INSC: variants seen among roughly 807,000 people sequenced by gnomAD.
INSC encodes the protein protein inscuteable homolog.
Under a neutral mutation model 58.6 loss-of-function variants are expected in INSC, and 67 were observed. That is an observed-to-expected ratio of 1.14 (90% CI 0.94 to 1.40). The LOEUF is 1.40. Among genes scored for constraint, INSC ranks in the 40% most tolerant of loss-of-function variants. The probability of loss-of-function intolerance (pLI) is 0.00; values close to 1 mark genes in which losing one functional copy is unlikely to be tolerated. For missense variants in INSC, 714 were observed against 692.0 expected (o/e 1.03, Z -0.36); for synonymous variants, 262 against 276.1 (o/e 0.95, Z 0.51).
At position 15,190,855 on chromosome 11, in the gene INSC, A is replaced by G. The variant is rs542227458; in HGVS notation, c.693+41A>G. The stretch of plus-strand genomic sequence containing the variant: ...AGGGACCAAAATGGCAGGCCTGGGG[A>G]AGTATGAGGAAGCTCACTTGTTCAA... On this transcript the variant is annotated intron_variant, in intron 6 of 12. Coordinates refer to ENST00000379556, the MANE Select transcript of INSC (RefSeq NM_001042536.3). 2.1e-5 allele frequency: 28 copies of G among 1,328,066 alleles called. 1 individual carries two copies. The South Asian group carries it at 3.0e-4, about 14-fold the overall frequency. The allele number at this position is 1,328,066 out of a possible 1,614,324, so 82.3% of individuals were successfully genotyped here. A position where few individuals can be genotyped will look rare whatever the true frequency, so the allele number is the denominator to read the frequency against.
At chr11:15,225,965 T>G (rs1290102607) in intron 9 of INSC, 137 bp downstream of exon 9, 1 of 774,050 alleles carries the variant, frequency 1.3e-6, no homozygotes, top group African/African-American at 1.8e-5. Flanking sequence ...AGGGCAAATA[T>G]TCTCCACGTT....
At chr11:15,248,109 C>T (rs762285778), downstream of INSC, among the ~76,000 whole-genome samples, 16 of 152,180 alleles carry the variant, frequency 1.1e-4, no homozygotes, top group South Asian at 1.0e-3. Context: ...GAAACTGACA[C>T]GCATTCTGCT....
intron 1 of INSC, among the ~76,000 whole-genome samples, chr11:15,140,510 T>C (rs1848343294): frequency 6.6e-6 from 1 of 152,254 alleles, no homozygotes; most frequent in East Asian, 1.9e-4. Flanking sequence ...TGTGTGCATG[T>C]CCCAGGTGTA....
chr11:15,219,646 G>C (rs1008543356), intron 7 of INSC, among the ~76,000 whole-genome samples: 1 of 152,140 alleles, frequency 6.6e-6, no homozygotes, highest in African/African-American at 2.4e-5. Flanking sequence ...GCAAGTTACT[G>C]GTTTGGGTCC....
At chr11:15,259,075 G>C in the INSC span, among the ~76,000 whole-genome samples, 1 of 152,190 alleles carries the variant, frequency 6.6e-6, no homozygotes, top group African/African-American at 2.4e-5. Flanking sequence ...CAAAGTTACT[G>C]TGTGGACATC....
chr11:15,126,729 A>G (rs569437266), intron 1 of INSC, among the ~76,000 whole-genome samples: 1 of 152,326 alleles, frequency 6.6e-6, no homozygotes, highest in South Asian at 2.1e-4. Flanking sequence ...AAATTTTAAG[A>G]AGAAGAAAAT....
At chr11:15,165,156 G>A (rs1328662630) in intron 2 of INSC, among the ~76,000 whole-genome samples, 1 of 152,126 alleles carries the variant, frequency 6.6e-6, no homozygotes, top group Non-Finnish European at 1.5e-5. Flanking sequence ...TATCATCCAT[G>A]GGGTAGGGGT....
chr11:15,167,920 A>G (rs529195789), intron 2 of INSC, among the ~76,000 whole-genome samples: 2 of 152,166 alleles, frequency 1.3e-5, no homozygotes, highest in East Asian at 1.9e-4. Flanking sequence ...GAAAGCAGCA[A>G]TTATATCTTG....
chr11:15,112,529 A>G (rs1045104213), upstream of INSC: 1 of 1,604,114 alleles, frequency 6.2e-7, no homozygotes, highest in Non-Finnish European at 8.5e-7. Flanking sequence ...GCTGGGGTCT[A>G]TGGGGAGTCC....
intron 9 of INSC, among the ~76,000 whole-genome samples, chr11:15,227,128 G>A (rs1333245752): frequency 6.6e-6 from 1 of 152,182 alleles, no homozygotes; most frequent in East Asian, 1.9e-4. Flanking sequence ...AAAATTAAAT[G>A]GTTGGCAGGC....
At chr11:15,190,251 G>T (rs923081742) in intron 5 of INSC, among the ~76,000 whole-genome samples, 1 of 152,178 alleles carries the variant, frequency 6.6e-6, no homozygotes, top group South Asian at 2.1e-4. Flanking sequence ...CCATCACTCA[G>T]CTGGAGTTCA....
intron 5 of INSC, chr11:15,188,411 G>A (rs766407813): frequency 3.1e-6 from 3 of 953,162 alleles, no homozygotes; most frequent in Non-Finnish European, 3.7e-6. Context: ...AGGGGTCAGG[G>A]CCCGGCTCCT....
At chr11:15,198,008 G>T (rs374441938) in intron 6 of INSC, among the ~76,000 whole-genome samples, 4 of 152,098 alleles carry the variant, frequency 2.6e-5, no homozygotes, top group East Asian at 1.9e-4. Flanking sequence ...TGCTGCACTC[G>T]GTTCTTGAAT....
chr11:15,227,336 A>G (rs988130051), intron 9 of INSC, among the ~76,000 whole-genome samples: 1 of 152,164 alleles, frequency 6.6e-6, no homozygotes, highest in Admixed American at 6.5e-5. Flanking sequence ...GGGTTTTTGC[A>G]TCTATTAATT....
intron 2 of INSC, among the ~76,000 whole-genome samples, chr11:15,150,550 G>A (rs1848617402): frequency 6.6e-6 from 1 of 152,184 alleles, no homozygotes; most frequent in Non-Finnish European, 1.5e-5. Flanking sequence ...AGCAGCCTGG[G>A]TAAATCATAT....
intron 3 of INSC, 71 bp from the exon 4 acceptor site, chr11:15,177,040 G>A: frequency 8.5e-7 from 1 of 1,174,116 alleles, no homozygotes; most frequent in Admixed American, 1.7e-5. Context: ...ATGTCCCCGT[G>A]TGCTCAGCAC....
chr11:15,260,777 C>T, the INSC span, among the ~76,000 whole-genome samples: 1 of 152,062 alleles, frequency 6.6e-6, no homozygotes, highest in Non-Finnish European at 1.5e-5. Context: ...GAGCCAGATG[C>T]ATAAACACAT....
the INSC span, among the ~76,000 whole-genome samples, chr11:15,258,282 G>A: frequency 6.6e-6 from 1 of 152,152 alleles, no homozygotes; most frequent in South Asian, 2.1e-4. Context: ...CCTCTCTTTC[G>A]TTATAAAGAA....
upstream of INSC, among the ~76,000 whole-genome samples, chr11:15,113,143 T>TTCTTTCTTTCTTTCTTTCTCTCTCTC: frequency 2.2e-4 from 22 of 98,684 alleles, 1 homozygote; most frequent in East Asian, 1.0e-3. Context: ...CTTTCTTTCT[T>TTCTTTCTTTCTTTCTTTCTCTCTCTC]TCTGTCTCTC....
Sources: allele counts gnomAD v4.1 joint callset (sites outside exome capture counted in the v4.1 genomes callset), GRCh38; gene constraint gnomAD v4.1.1; transcripts MANE v1.5; gene names NCBI Gene and HGNC (gene_info 2026-07-23, HGNC 2026-07-21).